TENM3: variants seen among roughly 807,000 people sequenced by gnomAD.
TENM3 encodes teneurin transmembrane protein 3.
Under a neutral mutation model 255.1 loss-of-function variants are expected in TENM3, and 63 were observed. That is an observed-to-expected ratio of 0.25 (90% CI 0.20 to 0.30). The LOEUF (loss-of-function observed/expected upper bound fraction) is 0.30, where lower values mean the gene tolerates loss of function less well. Among genes scored for constraint, TENM3 ranks in the 10% least tolerant of loss-of-function variants. TENM3 has a pLI of 1.00. For missense variants in TENM3, 2,929 were observed against 3,461.1 expected (o/e 0.85, Z 3.86); for synonymous variants, 1,306 against 1,322.3 (o/e 0.99, Z 0.27).
At chr4:182,322,018 G>A (rs1449094688) in intron 1 of TENM3, among the ~76,000 whole-genome samples, 1 of 152,060 alleles carries the variant, frequency 6.6e-6, no homozygotes, top group Admixed American at 6.6e-5. Flanking sequence ...GTGTGTTGTT[G>A]TTTTAATCCT....
At chr4:182,590,120 A>G (rs1746452334) in intron 3 of TENM3, among the ~76,000 whole-genome samples, 1 of 152,164 alleles carries the variant, frequency 6.6e-6, no homozygotes, top group Admixed American at 6.5e-5. Context: ...TTTCAATCTA[A>G]TATTCCAATC....
At chr4:181,783,556 C>G in the TENM3 span, among the ~76,000 whole-genome samples, 7 of 152,132 alleles carry the variant, frequency 4.6e-5, no homozygotes, top group Admixed American at 4.6e-4. Flanking sequence ...GAATCATTTT[C>G]TCTTTATTCC....
chr4:181,466,841 C>A, the TENM3 span, among the ~76,000 whole-genome samples: 3 of 151,898 alleles, frequency 2.0e-5, no homozygotes, highest in East Asian at 1.9e-4. Flanking sequence ...CATCTGAATT[C>A]TTTTTCTTGT....
chr4:182,599,765 T>C (rs1025960646), intron 3 of TENM3, among the ~76,000 whole-genome samples: 1 of 152,258 alleles, frequency 6.6e-6, no homozygotes, highest in Non-Finnish European at 1.5e-5. Context: ...CTATTCTTTG[T>C]TAATATGTGC....
chr4:181,775,982 T>G, the TENM3 span, among the ~76,000 whole-genome samples: 1 of 152,172 alleles, frequency 6.6e-6, no homozygotes, highest in African/African-American at 2.4e-5. Context: ...TTGTTAACTA[T>G]AGTTACTTAC....
chr4:182,059,791 G>A, the TENM3 span, among the ~76,000 whole-genome samples: 4,183 of 150,618 alleles, frequency 0.028, 180 homozygotes, highest in African/African-American at 0.098. Context: ...AAATTCACTG[G>A]ACATGGTAGT....
At chr4:182,420,554 A>T (rs140646907) in intron 3 of TENM3, among the ~76,000 whole-genome samples, 200 of 152,348 alleles carry the variant, frequency 1.3e-3, no homozygotes, top group Middle Eastern at 6.8e-3. Context: ...TAAAAATAGA[A>T]CATGGCTACA....
At chr4:181,572,997 G>T in the TENM3 span, among the ~76,000 whole-genome samples, 1 of 151,914 alleles carries the variant, frequency 6.6e-6, no homozygotes, top group Non-Finnish European at 1.5e-5. Context: ...TGTGAAGTTT[G>T]TCTTCCTATG....
chr4:182,430,904 C>T (rs1315406256), intron 3 of TENM3, among the ~76,000 whole-genome samples: 2 of 151,682 alleles, frequency 1.3e-5, no homozygotes, highest in South Asian at 2.1e-4. Flanking sequence ...CCCAGCTACT[C>T]GGGAGGCTAA....
At chr4:181,609,192 G>T in the TENM3 span, among the ~76,000 whole-genome samples, 79,523 of 151,996 alleles carry the variant, frequency 0.52, 21,226 homozygotes, top group Non-Finnish European at 0.56. Context: ...TGAGGAGGCC[G>T]TTTTTATGAG....
chr4:182,025,658 C>T, the TENM3 span, among the ~76,000 whole-genome samples: 7 of 152,076 alleles, frequency 4.6e-5, no homozygotes, highest in Non-Finnish European at 4.4e-5. Flanking sequence ...CAAGGGTTCC[C>T]TTTTCTCCAC....
intron 13 of TENM3, among the ~76,000 whole-genome samples, chr4:182,727,284 C>G (rs557962060): frequency 1.3e-5 from 2 of 151,758 alleles, no homozygotes; most frequent in Non-Finnish European, 2.9e-5. Context: ...GGTGAGACCC[C>G]GTCTCTACTA....
intron 3 of TENM3, among the ~76,000 whole-genome samples, chr4:182,387,580 C>T (rs974724907): frequency 4.6e-5 from 7 of 152,228 alleles, no homozygotes; most frequent in Admixed American, 2.0e-4. Context: ...TTTGGGTCCA[C>T]GCTGCTTTTA....
chr4:181,834,949 T>C, the TENM3 span: 1 of 152,202 alleles, frequency 6.6e-6, no homozygotes. Flanking sequence ...TTCTGTAATA[T>C]ATTTTTTTAA....
intron 4 of TENM3, among the ~76,000 whole-genome samples, chr4:182,616,087 A>G (rs1357209775): frequency 1.3e-5 from 2 of 152,162 alleles, no homozygotes; most frequent in Non-Finnish European, 2.9e-5. Flanking sequence ...AAAGTTTGAA[A>G]CCTACCGCTT....
intron 3 of TENM3, among the ~76,000 whole-genome samples, chr4:182,384,864 T>G (rs557475883): frequency 1.3e-5 from 2 of 152,214 alleles, no homozygotes; most frequent in South Asian, 4.2e-4. Context: ...TTGGCTACAG[T>G]GTTTAAAACG....
intron 1 of TENM3, among the ~76,000 whole-genome samples, chr4:182,256,374 T>C (rs1344608522): frequency 6.6e-6 from 1 of 152,216 alleles, no homozygotes; most frequent in African/African-American, 2.4e-5. Flanking sequence ...AAAGACTTTC[T>C]TCTGAACTGA....
chr4:182,777,920 T>C (rs1017617866), intron 24 of TENM3, among the ~76,000 whole-genome samples: 1 of 151,260 alleles, frequency 6.6e-6, no homozygotes, highest in Non-Finnish European at 1.5e-5. Context: ...AAAAATCATA[T>C]AAGAAAACAG....
chr4:181,914,468 T>G, the TENM3 span, among the ~76,000 whole-genome samples: 3 of 152,188 alleles, frequency 2.0e-5, no homozygotes, highest in African/African-American at 7.2e-5. Flanking sequence ...TAAATAATGA[T>G]TTGTTTATAT....
Sources: gnomAD v4.1 joint callset for allele counts (sites outside exome capture counted in the v4.1 genomes callset) on GRCh38, gnomAD v4.1.1 for gene constraint, MANE v1.5 for transcripts, NCBI Gene and HGNC (gene_info 2026-07-23, HGNC 2026-07-21) for gene names.